KDM4C: variants seen among roughly 807,000 people sequenced by gnomAD.
KDM4C encodes lysine-specific demethylase 4C.
Under a neutral mutation model 129.3 loss-of-function variants are expected in KDM4C, and 81 were observed. The observed-to-expected ratio is 0.63, with a 90% CI of 0.52 to 0.75. The LOEUF is 0.75. Among genes scored for constraint, KDM4C ranks in the 30% least tolerant of loss-of-function variants. KDM4C has a pLI of 0.00. For missense variants in KDM4C, 1,457 were observed against 1,304.0 expected, an observed-to-expected ratio of 1.12 and a Z score of -1.81; for synonymous variants, 573 against 456.1, an observed-to-expected ratio of 1.26 and a Z score of -3.26.
At chr9:6,963,271 T>C (rs1267504739) in intron 8 of KDM4C, among the ~76,000 whole-genome samples, 1 of 152,256 alleles carries the variant, frequency 6.6e-6, no homozygotes, top group African/African-American at 2.4e-5. Context: ...CTTTTAGTAG[T>C]ATTAATAATT....
chr9:7,018,816 A>T (rs1267490058), intron 15 of KDM4C, among the ~76,000 whole-genome samples: 2 of 152,226 alleles, frequency 1.3e-5, no homozygotes, highest in African/African-American at 4.8e-5. Flanking sequence ...CACTCTTTGG[A>T]ATAGACTTAA....
intron 5 of KDM4C, among the ~76,000 whole-genome samples, chr9:6,863,347 C>A (rs981428147): frequency 6.6e-6 from 1 of 152,130 alleles, no homozygotes; most frequent in Admixed American, 6.5e-5. Flanking sequence ...ATACCTGAGG[C>A]AGGGTAATTT....
chr9:6,783,676 C>A (rs1271366110), intron 1 of KDM4C, among the ~76,000 whole-genome samples: 1 of 152,128 alleles, frequency 6.6e-6, no homozygotes, highest in Non-Finnish European at 1.5e-5. Flanking sequence ...TGAGGAGGGG[C>A]TAGTTGCCCA....
chr9:6,921,553 A>G (rs1038123942), intron 8 of KDM4C, among the ~76,000 whole-genome samples: 2 of 151,676 alleles, frequency 1.3e-5, no homozygotes, highest in African/African-American at 4.9e-5. Flanking sequence ...CACCACTATT[A>G]CTCTGGTCCA....
At chr9:6,865,348 G>A (rs1841760324) in intron 5 of KDM4C, among the ~76,000 whole-genome samples, 1 of 152,118 alleles carries the variant, frequency 6.6e-6, no homozygotes, top group Non-Finnish European at 1.5e-5. Context: ...CTCCTTTTCT[G>A]TGTTATCTTG....
chr9:6,749,912 G>T (rs939715741), intron 1 of KDM4C, among the ~76,000 whole-genome samples: 7 of 150,188 alleles, frequency 4.7e-5, no homozygotes, highest in African/African-American at 1.7e-4. Flanking sequence ...CTTGAACCAG[G>T]GGGGCGGAGG....
intron 5 of KDM4C, among the ~76,000 whole-genome samples, chr9:6,856,539 C>CGTGTGTGTGTGTGTGTGT (rs201267627): frequency 1.5e-5 from 2 of 131,596 alleles, no homozygotes; most frequent in East Asian, 4.5e-4. Flanking sequence ...TCTCTGTGTG[C>CGTGTGTGTGTGTGTGTGT]GTGTGTGTGT....
chr9:7,102,309 CTTTTTTTTTTT>C lies in KDM4C; in HGVS notation c.2425-1362_2425-1352del, dbSNP rs34614459. Among the ~76,000 whole-genome samples the C allele has an allele frequency of 3.8e-4, 34 of 89,988 alleles. 1 individual carries two copies. Among genetic ancestry groups the C allele is most frequent in the East Asian group, 9.1e-4 (3 of 3,288 alleles). 59.0% of individuals were successfully genotyped at this position (89,988 alleles called of 152,430 possible). Reference sequence around the variant, plus strand: ...TGGCTCTTGCACCTCATGGTTTTCCCTTTTTTTTTTTTTTTTTTTTTTTTGGAGTGACTTGG... The same window carrying C: ...TGGCTCTTGCACCTCATGGTTTTCCCTTTTTTTTTTTTTGGAGTGACTTGG... On this transcript the variant is annotated intron_variant, in intron 17 of 21. Transcript: ENST00000381309.
intron 14 of KDM4C, chr9:7,014,446 G>T (rs1226892935): frequency 1.9e-5 from 3 of 155,602 alleles, no homozygotes; most frequent in Non-Finnish European, 4.3e-5. Flanking sequence ...CATTCGTGAG[G>T]ATAGGAATCT....
intron 12 of KDM4C, among the ~76,000 whole-genome samples, chr9:6,990,771 G>T (rs1010452599): frequency 2.0e-5 from 3 of 152,130 alleles, no homozygotes; most frequent in African/African-American, 7.2e-5. Flanking sequence ...GGTAAAATCA[G>T]TCAGCCTTGA....
rs143228770 is a variant in KDM4C at position 7,166,942 on chromosome 9, T to G, written c.2901+1585T>G. 1.8e-4 allele frequency among the ~76,000 whole-genome samples: 28 copies of G among 152,366 alleles called. 2 individuals carry two copies. The East Asian group carries it at 5.0e-3, about 27-fold the overall frequency. On this transcript the variant is annotated intron_variant, in intron 20 of 21. Transcript: ENST00000381309. ...TTAAGCCAAGTGGCCTTTTGAGATCTTTTTGTGTTTTGTGTCTAATTATTC... is the reference window on the plus strand; with the variant it reads ...TTAAGCCAAGTGGCCTTTTGAGATCGTTTTGTGTTTTGTGTCTAATTATTC...
intron 17 of KDM4C, among the ~76,000 whole-genome samples, chr9:7,102,019 A>G (rs1170158333): frequency 1.3e-5 from 2 of 152,236 alleles, no homozygotes; most frequent in African/African-American, 4.8e-5. Context: ...ATGGATTGTC[A>G]AAGAGATACC....
At chr9:6,822,065 A>C (rs936209481) in intron 4 of KDM4C, among the ~76,000 whole-genome samples, 2 of 152,216 alleles carry the variant, frequency 1.3e-5, no homozygotes, top group Non-Finnish European at 2.9e-5. Flanking sequence ...TTTTAAAACC[A>C]AAAAACCAAG....
intron 8 of KDM4C, among the ~76,000 whole-genome samples, chr9:6,919,533 G>GTCTA (rs1249827983): frequency 3.8e-4 from 22 of 58,654 alleles, no homozygotes; most frequent in African/African-American, 9.4e-4. Context: ...AATTTCATCT[G>GTCTA]TCTGTCTGTC....
chr9:7,057,509 C>T (rs1315556312), intron 17 of KDM4C, among the ~76,000 whole-genome samples: 1 of 152,240 alleles, frequency 6.6e-6, no homozygotes, highest in African/African-American at 2.4e-5. Flanking sequence ...CAGATTAACC[C>T]TCTGAAGCTC....
intron 5 of KDM4C, among the ~76,000 whole-genome samples, chr9:6,858,457 T>C (rs1025415254): frequency 6.6e-6 from 1 of 152,184 alleles, no homozygotes; most frequent in African/African-American, 2.4e-5. Context: ...CAACTTTCTT[T>C]ATTGTGTACT....
intron 15 of KDM4C, among the ~76,000 whole-genome samples, chr9:7,019,077 C>T (rs759892192): frequency 6.6e-6 from 1 of 152,012 alleles, no homozygotes; most frequent in Non-Finnish European, 1.5e-5. Flanking sequence ...AGCTCCCTTC[C>T]TATTTCTGTT....
chr9:7,108,665 A>G (rs964342685), intron 18 of KDM4C, among the ~76,000 whole-genome samples: 3 of 152,168 alleles, frequency 2.0e-5, no homozygotes, highest in Admixed American at 6.6e-5. Flanking sequence ...AATCTGGTGA[A>G]GGGCTCAAAG....
At chr9:6,898,040 G>T (rs932619783) in intron 8 of KDM4C, among the ~76,000 whole-genome samples, 1 of 152,088 alleles carries the variant, frequency 6.6e-6, no homozygotes, top group African/African-American at 2.4e-5. Flanking sequence ...GGATCAAAGC[G>T]CCGGCCGGCA....
Sources: allele counts gnomAD v4.1 joint callset (sites outside exome capture counted in the v4.1 genomes callset), GRCh38; gene constraint gnomAD v4.1.1; transcripts MANE v1.5; gene names NCBI Gene and HGNC (gene_info 2026-07-23, HGNC 2026-07-21).